MATN2: variants seen among roughly 807,000 people sequenced by gnomAD.
The protein encoded by MATN2 is matrilin 2.
A neutral mutation model predicts 103.2 loss-of-function variants in MATN2; 69 were observed. The ratio of observed to expected loss-of-function variants is 0.67; its 90% CI spans 0.55 to 0.82. The LOEUF is 0.82. Among genes scored for constraint, MATN2 ranks in the 40% least tolerant of loss-of-function variants. MATN2 has a pLI of 0.00. For synonymous variants in MATN2, 429 were observed against 450.2 expected (o/e 0.95, Z 0.60); for missense variants, 1,023 against 1,211.5 (o/e 0.84, Z 2.31).
At chr8:98,031,403 T>C (rs1178404734) in intron 15 of MATN2, 3 of 151,986 alleles carry the variant, frequency 2.0e-5, no homozygotes, top group Non-Finnish European at 4.4e-5. Context: ...ATAGCTACCA[T>C]TGTTTGCGCC....
chr8:97,926,343 G>A (rs1490103815), intron 2 of MATN2, among the ~76,000 whole-genome samples: 1 of 152,202 alleles, frequency 6.6e-6, no homozygotes, highest in Non-Finnish European at 1.5e-5. Context: ...ACACACCAAG[G>A]AAATCCATTT....
rs1220965685 is a variant in MATN2 at position 98,020,892 on chromosome 8, C to T, written c.1820-313C>T. The T allele has an allele frequency of 1.3e-5, 3 of 225,964 alleles. No individual in the cohort carries two copies. The East Asian group carries it at 3.1e-4, about 23-fold the overall frequency. 14.0% of individuals were successfully genotyped at this position (225,964 alleles called of 1,614,324 possible). On this transcript the variant is annotated intron_variant, in intron 12 of 18. Transcript: ENST00000254898. ...TCACACATGAGAAATGTTCATTAGA[C>T]AATCTGAACTGGAGTGTTTGGGATG... is the stretch of plus-strand genomic sequence containing the variant.
intron 7 of MATN2, 140 bp downstream of exon 7, chr8:97,994,742 C>T (rs1023176649): frequency 4.2e-6 from 4 of 952,958 alleles, no homozygotes; most frequent in Non-Finnish European, 6.0e-6. Context: ...CTTTATTTTA[C>T]TTTTTGGCTC....
intron 1 of MATN2, among the ~76,000 whole-genome samples, chr8:97,870,511 T>C (rs1817856487): frequency 7.0e-6 from 1 of 142,532 alleles, no homozygotes. Context: ...AGAGCTAAAC[T>C]CCGTCTCAAA....
chr8:97,982,120 C>A lies in MATN2; in HGVS notation c.1081+3112C>A, dbSNP rs762885910. Among the ~76,000 whole-genome samples the A allele has an allele frequency of 1.3e-5, 2 of 152,174 alleles. No homozygotes were observed. The highest frequency in any genetic ancestry group is 2.9e-5 in the Non-Finnish European group (2 of 68,040). ...ACATCCCTTAGAAGAGCCCTCTTCC[C>A]ACCATGCTTGGGGTGGGCAGGAGCC... is the stretch of plus-strand genomic sequence containing the variant. On this transcript the variant is annotated intron_variant, in intron 6 of 18. Coordinates refer to ENST00000254898, the MANE Select transcript of MATN2 (RefSeq NM_002380.5). The surrounding 1 kb of genome is among the most constrained non-coding windows in gnomAD (Gnocchi z 4.3).
At chr8:97,917,997 A>C (rs1425574679) in intron 2 of MATN2, among the ~76,000 whole-genome samples, 2 of 152,058 alleles carry the variant, frequency 1.3e-5, no homozygotes, top group African/African-American at 4.8e-5. Flanking sequence ...CGTTGGGAGG[A>C]TCACTTGAGC....
At chr8:97,897,695 A>G (rs1430563631) in intron 2 of MATN2, among the ~76,000 whole-genome samples, 1 of 152,200 alleles carries the variant, frequency 6.6e-6, no homozygotes, top group African/African-American at 2.4e-5. Context: ...CAGTACAATG[A>G]CAGCTGGAAA....
Position 98,027,491 on chromosome 8 carries a change from T to C in MATN2, c.2018T>C (p.Val673Ala). 4 of 1,613,862 alleles carry C rather than the reference T, an allele frequency of 2.5e-6. No homozygotes were observed. Among genetic ancestry groups the C allele is most frequent in the Non-Finnish European group, 3.4e-6 (4 of 1,179,860 alleles). The change falls in exon 14 of 19, where the codon GTC becomes GCC. Residue 673 changes from valine to alanine, a missense_variant. Transcript: ENST00000254898. ...SKSLGEENFE[V>A]VKQFVTGIID... ...AGTCTTGGAGAAGAGAATTTTGAGG[T>C]CGTGAAGCAGTTTGTCACTGGAATT...
At chr8:97,903,757 C>T (rs1472441313) in intron 2 of MATN2, among the ~76,000 whole-genome samples, 1 of 152,058 alleles carries the variant, frequency 6.6e-6, no homozygotes, top group Non-Finnish European at 1.5e-5. Context: ...TAACCTGTAC[C>T]CTCAGGCTTC....
intron 4 of MATN2, among the ~76,000 whole-genome samples, chr8:97,960,756 CA>C (rs1377787212): frequency 2.0e-5 from 3 of 152,110 alleles, no homozygotes; most frequent in Non-Finnish European, 4.4e-5. Context: ...GATTCTGTCT[CA>C]AAAAAATTAT....
chr8:97,990,525 C>G (rs1281573338), intron 6 of MATN2, among the ~76,000 whole-genome samples: 1 of 152,216 alleles, frequency 6.6e-6, no homozygotes, highest in African/African-American at 2.4e-5. Flanking sequence ...CATTAGTGTT[C>G]ATAGCTGCTT....
intron 2 of MATN2, among the ~76,000 whole-genome samples, chr8:97,895,974 A>C (rs1818794449): frequency 6.6e-6 from 1 of 152,080 alleles, no homozygotes; most frequent in African/African-American, 2.4e-5. Context: ...AGACACGCGT[A>C]CTCTTGAATG....
At chr8:97,916,813 C>G (rs1382229883) in intron 2 of MATN2, among the ~76,000 whole-genome samples, 1 of 152,180 alleles carries the variant, frequency 6.6e-6, no homozygotes. Context: ...CATTTTGGCT[C>G]TCTCACAAAG....
chr8:97,965,238 G>A (rs1351975831), intron 5 of MATN2, among the ~76,000 whole-genome samples: 1 of 152,168 alleles, frequency 6.6e-6, no homozygotes, highest in Non-Finnish European at 1.5e-5. Context: ...GGATTGTTCA[G>A]GGCTTTGAAA....
rs1812862761 is a variant in MATN2, at chr8:98,003,724, G to A, written c.1268G>A (p.Ser423Asn). Residue 423 changes from serine to asparagine, a missense_variant, in exon 8 of 19, where the codon AGC (serine) becomes AAC (asparagine). By Grantham distance (46) the Ser-to-Asn change is conservative. Coordinates refer to ENST00000254898, the MANE Select transcript of MATN2 (RefSeq NM_002380.5). ...CATGAGTGCGTCAACATGGAGGAGA[G>A]CTACTACTGCCGCTGCCACCGTGGC... Reference protein sequence around the residue: ...CEHECVNMEESYYCRCHRGYT... With the variant: ...CEHECVNMEENYYCRCHRGYT... 6.2e-7 allele frequency: 1 copy of A among 1,613,632 alleles called. No homozygotes were observed. Among genetic ancestry groups the A allele is most frequent in the Non-Finnish European group, 8.5e-7 (1 of 1,179,770 alleles).
intron 4 of MATN2, among the ~76,000 whole-genome samples, chr8:97,954,655 CTGT>C (rs1811085020): frequency 6.6e-6 from 1 of 152,260 alleles, no homozygotes; most frequent in African/African-American, 2.4e-5. Flanking sequence ...AGGAATTTTT[CTGT>C]TGTTGTCCAC....
intron 6 of MATN2, among the ~76,000 whole-genome samples, chr8:97,986,456 C>A (rs1812197503): frequency 6.6e-6 from 1 of 152,182 alleles, no homozygotes; most frequent in Non-Finnish European, 1.5e-5. Flanking sequence ...TCCTCCCACC[C>A]CAAGTCCATT....
chr8:98,026,257 T>A lies in MATN2; in HGVS notation c.1943-1159T>A, dbSNP rs555468614. 1.8e-4 allele frequency among the ~76,000 whole-genome samples: 18 copies of A among 100,672 alleles called. No individual in the cohort carries two copies. The South Asian group carries it at 5.2e-3, about 29-fold the overall frequency. 66.0% of individuals were successfully genotyped at this position (100,672 alleles called of 152,430 possible). On this transcript the variant is annotated intron_variant, in intron 13 of 18. Transcript: ENST00000254898. ...GGTGATAACTTTTTTTTTAATTTTG[T>A]TTTTTTTTTTTTTACGGAGAGATGC...
chr8:98,025,397 T>C (rs911698103), intron 13 of MATN2: 2 of 185,700 alleles, frequency 1.1e-5, no homozygotes, highest in African/African-American at 4.8e-5. Flanking sequence ...TTTTAAAGAT[T>C]AGACAGCTGC....
Sources: allele counts gnomAD v4.1 joint callset (sites outside exome capture counted in the v4.1 genomes callset), GRCh38; gene constraint gnomAD v4.1.1; non-coding constraint Gnocchi (gnomAD v3.1); transcripts MANE v1.5; gene names NCBI Gene and HGNC (gene_info 2026-07-23, HGNC 2026-07-21).